The following TTC29 variants were observed in gnomAD, a reference collection of about 807,000 sequenced individuals.
TTC29 encodes tetratricopeptide repeat protein 29.
TTC29 carries 49 observed loss-of-function variants against 58.1 expected under a neutral mutation model. The ratio of observed to expected loss-of-function variants is 0.84; its 90% confidence interval spans 0.67 to 1.07. The LOEUF is 1.07. Among genes scored for constraint, TTC29 ranks in the 50% least tolerant of loss-of-function variants. The probability of loss-of-function intolerance (pLI) is 0.00; values close to 1 mark genes in which losing one functional copy is unlikely to be tolerated. For missense variants in TTC29, 582 were observed against 555.6 expected (o/e 1.05, Z -0.48); for synonymous variants, 209 against 196.8 (o/e 1.06, Z -0.52).
At position 146,870,692 on chromosome 4, in the gene TTC29, A is replaced by G. The variant is rs530128457; in HGVS notation, c.800-3109T>C. ...AGGCCTCACAGAAATGAAAAGGATT[A>G]TAAGAGAATTTTGTGGACAATTACA... On this transcript the variant is annotated intron_variant, in intron 7 of 12. Transcript: ENST00000325106. Among the ~76,000 whole-genome samples the G allele has an allele frequency of 8.5e-5, 13 of 152,134 alleles. No homozygotes were observed. The South Asian group carries it at 2.7e-3, about 32-fold the overall frequency.
chr4:146,940,599 T>C (rs1350228954), intron 2 of TTC29, among the ~76,000 whole-genome samples: 2 of 152,204 alleles, frequency 1.3e-5, no homozygotes, highest in Non-Finnish European at 1.5e-5. Context: ...GAAGCTGTAG[T>C]AACCCAATGA....
chr4:146,869,219 C>CCAACCATG (rs1730773416), intron 7 of TTC29, among the ~76,000 whole-genome samples: 1 of 152,032 alleles, frequency 6.6e-6, no homozygotes, highest in African/African-American at 2.4e-5. Flanking sequence ...GCTCCACATT[C>CCAACCATG]CAACCATGAA....
At chr4:146,900,356 G>A (rs17656340) in intron 6 of TTC29, among the ~76,000 whole-genome samples, 9,230 of 152,096 alleles carry the variant, frequency 0.061, 388 homozygotes, top group Admixed American at 0.13. Context: ...ACAATTCTTC[G>A]TAACCCAAAC....
chr4:146,828,085 A>C (rs1460315920), intron 9 of TTC29, among the ~76,000 whole-genome samples: 1 of 152,040 alleles, frequency 6.6e-6, no homozygotes, highest in Non-Finnish European at 1.5e-5. Context: ...GCAGCTGTGA[A>C]TACTTTTTAT....
At position 146,902,734 on chromosome 4, in the gene TTC29, T is replaced by C. The variant is rs72960306; in HGVS notation, c.586+810A>G. The stretch of plus-strand genomic sequence containing the variant: ...TAGCACGCATGGTGGCTTCTGACAA[T>C]GTTCAGGCGCCTTGCGAGCTTTAGC... On this transcript the variant is annotated intron_variant, in intron 6 of 12. Transcript: ENST00000325106. 6.9e-3 allele frequency among the ~76,000 whole-genome samples: 1,048 copies of C among 152,314 alleles called. 14 individuals are homozygous for C. Among genetic ancestry groups the C allele is most frequent in the African/African-American group, 0.024 (1,001 of 41,578 alleles).
chr4:146,786,989 T>C (rs1371860929), intron 11 of TTC29, among the ~76,000 whole-genome samples: 1 of 151,876 alleles, frequency 6.6e-6, no homozygotes, highest in Non-Finnish European at 1.5e-5. Context: ...GGTGTGGTGG[T>C]ATGCACCTGC....
chr4:146,892,102 T>C (rs765593292), intron 6 of TTC29, among the ~76,000 whole-genome samples: 16 of 152,120 alleles, frequency 1.1e-4, no homozygotes, highest in African/African-American at 2.4e-4. Context: ...TGGGAGGTGA[T>C]TGGATCATGG....
intron 4 of TTC29, among the ~76,000 whole-genome samples, chr4:146,922,711 C>T (rs1282840662): frequency 1.3e-5 from 2 of 151,690 alleles, no homozygotes; most frequent in African/African-American, 2.4e-5. Flanking sequence ...GCTGGTTCAT[C>T]AACAGAGGCA....
At chr4:146,901,994 C>G (rs1238216261) in intron 6 of TTC29, among the ~76,000 whole-genome samples, 2 of 152,166 alleles carry the variant, frequency 1.3e-5, no homozygotes, top group Non-Finnish European at 2.9e-5. Context: ...CTGCACAGAA[C>G]TCTGTTGCAT....
At chr4:146,802,776 G>T (rs34581318) in intron 11 of TTC29, among the ~76,000 whole-genome samples, 22,557 of 152,026 alleles carry the variant, frequency 0.15, 1,835 homozygotes, top group African/African-American at 0.23. Flanking sequence ...AACTCTAAAG[G>T]CTGTCATAGG....
intron 11 of TTC29, among the ~76,000 whole-genome samples, chr4:146,767,589 T>C (rs902764444): frequency 6.6e-6 from 1 of 152,052 alleles, no homozygotes; most frequent in Non-Finnish European, 1.5e-5. Context: ...ATATATGTAC[T>C]CTGTTAATTC....
Position 146,916,159 on chromosome 4 carries a change from G to A in TTC29, c.177-6910C>T, listed in dbSNP as rs1379205134. On this transcript the variant is annotated intron_variant, in intron 4 of 12. Coordinates refer to ENST00000325106, the MANE Select transcript of TTC29 (RefSeq NM_031956.4). ...TCACTATTCTTACCTATCTTTTTCG[G>A]TGTAGATAGATATTATGTATATCGT... is the stretch of plus-strand genomic sequence containing the variant. Among the ~76,000 whole-genome samples, 3 of 151,554 alleles carry A rather than the reference G, an allele frequency of 2.0e-5. 1 individual carries two copies. The highest frequency in any genetic ancestry group is 4.4e-5 in the Non-Finnish European group (3 of 67,676).
At chr4:146,707,384 C>A in intron 12 of TTC29, 101 bp downstream of exon 12, 1 of 870,974 alleles carries the variant, frequency 1.1e-6, no homozygotes. Context: ...TTATCAAGTG[C>A]TGGATGAAGC....
At chr4:146,776,315 A>G (rs893054489) in intron 11 of TTC29, among the ~76,000 whole-genome samples, 15 of 152,134 alleles carry the variant, frequency 9.9e-5, no homozygotes, top group Non-Finnish European at 4.4e-5. Flanking sequence ...GCCTGGAACC[A>G]TTGCTGGGGA....
chr4:146,792,962 C>T (rs981690901), intron 11 of TTC29, among the ~76,000 whole-genome samples: 6 of 152,094 alleles, frequency 3.9e-5, no homozygotes, highest in Non-Finnish European at 5.9e-5. Flanking sequence ...AGCAAGAGAA[C>T]TAGAATTAGA....
At chr4:146,719,189 G>GGTGTGTGTGTGT (rs60552473) in intron 11 of TTC29, among the ~76,000 whole-genome samples, 3 of 144,086 alleles carry the variant, frequency 2.1e-5, no homozygotes, top group African/African-American at 5.2e-5. Context: ...TGGCTATTGG[G>GGTGTGTGTGTGT]GTGTGTGTGT....
intron 6 of TTC29, among the ~76,000 whole-genome samples, chr4:146,888,172 A>G (rs1304816355): frequency 6.6e-6 from 1 of 152,164 alleles, no homozygotes; most frequent in African/African-American, 2.4e-5. Flanking sequence ...ACAAGTCCCA[A>G]AAAAGAATAG....
chr4:146,917,152 T>A (rs142212444), intron 4 of TTC29, among the ~76,000 whole-genome samples: 1 of 151,078 alleles, frequency 6.6e-6, no homozygotes, highest in East Asian at 1.9e-4. Flanking sequence ...TATTACATGT[T>A]AACATCTCAA....
rs899633490 is a variant in TTC29 at position 146,932,564 on chromosome 4, G to C, written c.176+5030C>G. On this transcript the variant is annotated intron_variant, in intron 4 of 12. Coordinates refer to ENST00000325106, the MANE Select transcript of TTC29 (RefSeq NM_031956.4). ...CTTGCTCCATATGTTTGAGTGCCAG[G>C]GCATTGTGCAAATCCAGAAGGTAGA... is the stretch of plus-strand genomic sequence containing the variant. Among the ~76,000 whole-genome samples the C allele has an allele frequency of 7.2e-5, 11 of 152,096 alleles. 1 individual carries two copies. The East Asian group carries it at 2.1e-3, about 29-fold the overall frequency.
Sources: gnomAD v4.1 joint callset for allele counts (sites outside exome capture counted in the v4.1 genomes callset) on GRCh38, gnomAD v4.1.1 for gene constraint, MANE v1.5 for transcripts, NCBI Gene and HGNC (gene_info 2026-07-23, HGNC 2026-07-21) for gene names.